Variants in AQR observed in about 807,000 individuals in gnomAD.
AQR encodes the protein aquarius intron-binding spliceosomal factor.
A neutral mutation model predicts 180.5 loss-of-function variants in AQR; 61 were observed. The ratio of observed to expected loss-of-function variants is 0.34; its 90% CI spans 0.28 to 0.42. AQR has a LOEUF of 0.42. Ranked by LOEUF, AQR falls within the 10% of genes least tolerant of loss-of-function variation. The pLI, the probability that AQR is intolerant of heterozygous loss-of-function variation, is 1.00. For synonymous variants in AQR, 551 were observed against 588.8 expected (o/e 0.94, Z 0.93); for missense variants, 1,281 against 1,798.3 (o/e 0.71, Z 5.20).
At position 34,927,027 on chromosome 15, in the gene AQR, T is replaced by C. The variant is rs1336764326; in HGVS notation, c.1118+8A>G. The C allele has an allele frequency of 2.0e-6, 3 of 1,488,080 alleles. No homozygotes were observed. The highest frequency in any genetic ancestry group is 2.7e-6 in the Non-Finnish European group (3 of 1,101,512). The allele number at this position is 1,488,080 out of a possible 1,614,324, so 92.2% of individuals were successfully genotyped here. A position where few individuals can be genotyped will look rare whatever the true frequency, so the allele number is the denominator to read the frequency against. On this transcript the variant is annotated splice_region_variant and intron_variant, in intron 13 of 34. Coordinates refer to ENST00000156471, the MANE Select transcript of AQR (RefSeq NM_014691.3). The stretch of plus-strand genomic sequence containing the variant: ...AAAAAGAATATATAGTTTTTCATGT[T>C]GTCTTACCTAAGAGGTCCAAAAAAC...
chr15:34,884,373 T>C (rs1893022690), intron 26 of AQR, 152 bp downstream of exon 26: 2 of 640,504 alleles, frequency 3.1e-6, no homozygotes, highest in African/African-American at 1.9e-5. Flanking sequence ...GCCACTGCAC[T>C]CCAGCCTGGG....
intron 29 of AQR, 157 bp from the exon 30 acceptor site, chr15:34,874,156 C>A: frequency 1.5e-6 from 1 of 654,488 alleles, no homozygotes. Flanking sequence ...TCAACCTTAG[C>A]TTCCCTACTT....
Position 34,852,455 on chromosome 15 carries a change from G to A in AQR, c.*4337C>T, listed in dbSNP as rs1272462967. The A allele has an allele frequency of 6.6e-6, 1 of 152,224 alleles. No individual in the cohort carries two copies. The highest frequency in any genetic ancestry group is 1.9e-4 in the East Asian group (1 of 5,200). 9.4% of individuals were successfully genotyped at this position (152,224 alleles called of 1,614,324 possible). On this transcript the variant is annotated 3_prime_UTR_variant, in exon 35 of 35. Transcript: ENST00000156471. ...CAAAGTGCTGGGATTACAGGCGTGA[G>A]CCACTGCACCCGGCTCGTGTTCTAA...
intron 3 of AQR, among the ~76,000 whole-genome samples, chr15:34,958,998 GA>G (rs1894374563): frequency 2.3e-5 from 3 of 131,718 alleles, no homozygotes; most frequent in East Asian, 4.2e-4. Context: ...TATAGATATA[GA>G]TATAGATATA....
rs552416535 is a variant in AQR, at chr15:34,853,409, G to A, written c.*3383C>T. 6.6e-6 allele frequency: 1 copy of A among 152,272 alleles called. No homozygotes were observed. The highest frequency in any genetic ancestry group is 2.1e-4 in the South Asian group (1 of 4,820). The allele number at this position is 152,272 out of a possible 1,614,324, so 9.4% of individuals were successfully genotyped here. A position where few individuals can be genotyped will look rare whatever the true frequency, so the allele number is the denominator to read the frequency against. On this transcript the variant is annotated 3_prime_UTR_variant, in exon 35 of 35. Transcript: ENST00000156471. ...GACAGTACAGAATTCAGAACTGATAGAAGTTATCAGCTCCATATTTCAGAA... is the reference window on the plus strand; with the variant it reads ...GACAGTACAGAATTCAGAACTGATAAAAGTTATCAGCTCCATATTTCAGAA...
intron 1 of AQR, among the ~76,000 whole-genome samples, chr15:34,967,746 A>C (rs1280722864): frequency 6.6e-6 from 1 of 152,244 alleles, no homozygotes; most frequent in Non-Finnish European, 1.5e-5. Context: ...CACAGGTCAA[A>C]TCACACAACA....
chr15:34,940,444 C>T (rs551576692), intron 8 of AQR, among the ~76,000 whole-genome samples: 9 of 152,236 alleles, frequency 5.9e-5, no homozygotes, highest in African/African-American at 1.4e-4. Flanking sequence ...CAAGAGAAAT[C>T]GCTTGAATCT....
Position 34,853,806 on chromosome 15 carries a change from T to C in AQR, c.*2986A>G, listed in dbSNP as rs1424630479. On this transcript the variant is annotated 3_prime_UTR_variant, in exon 35 of 35. Transcript: ENST00000156471. ...CCCAAATCCAAACAGATCTTTTTCC[T>C]TTATTTACAGATAAAGAAAATGGGC... is the stretch of plus-strand genomic sequence containing the variant. 6.6e-6 allele frequency: 1 copy of C among 152,230 alleles called. No homozygotes were observed. The highest frequency in any genetic ancestry group is 1.5e-5 in the Non-Finnish European group (1 of 68,042). 9.4% of individuals were successfully genotyped at this position (152,230 alleles called of 1,614,324 possible).
intron 31 of AQR, chr15:34,869,161 C>T (rs552339683): frequency 3.9e-5 from 6 of 152,206 alleles, no homozygotes; most frequent in Admixed American, 3.3e-4. Flanking sequence ...TACATCCTTG[C>T]CAACATTTGT....
intron 32 of AQR, among the ~76,000 whole-genome samples, chr15:34,864,153 T>G (rs1892710922): frequency 6.6e-6 from 1 of 150,534 alleles, no homozygotes; most frequent in Admixed American, 6.6e-5. Context: ...TATCTCTAAT[T>G]CGGCCTCATT....
chr15:34,968,188 A>C (rs971573612), intron 1 of AQR, among the ~76,000 whole-genome samples: 22 of 152,068 alleles, frequency 1.4e-4, no homozygotes, highest in South Asian at 2.1e-4. Context: ...TGGAAGGCTC[A>C]CTGGAGCCCA....
intron 31 of AQR, chr15:34,870,168 T>C (rs1008984432): frequency 9.3e-6 from 1 of 108,072 alleles, no homozygotes; most frequent in African/African-American, 2.7e-5. Context: ...ATTTTCCTGT[T>C]ACATTTGCAT....
chr15:34,927,061 G>A lies in AQR; in HGVS notation c.1092C>T (p.Ser364=). 1 of 1,590,034 alleles carries A rather than the reference G, an allele frequency of 6.3e-7. No homozygotes were observed. The part of the protein sequence containing the change: ...SNVAEVDTRE[S]LVKFFGPLSS... ...TAAGAGGTCCAAAAAACTTGACCAA[G>A]GACTCCCGAGTATCTACTTCTGCCA... The change falls in exon 13 of 35, where the codon TCC becomes TCT. Residue 364 remains serine (S), a synonymous_variant. Coordinates refer to ENST00000156471, the MANE Select transcript of AQR (RefSeq NM_014691.3).
chr15:34,877,377 G>T (rs143248889), intron 27 of AQR, among the ~76,000 whole-genome samples: 448 of 152,260 alleles, frequency 2.9e-3, no homozygotes, highest in South Asian at 0.011. Context: ...GATGGGGAGA[G>T]CATATTTACT....
chr15:34,902,512 T>C (rs1377035748), intron 19 of AQR, among the ~76,000 whole-genome samples: 1 of 152,150 alleles, frequency 6.6e-6, no homozygotes, highest in Non-Finnish European at 1.5e-5. Flanking sequence ...AGGACACTTT[T>C]ATCCACAGGC....
Position 34,938,723 on chromosome 15 carries a change from A to T in AQR, c.718+14T>A, listed in dbSNP as rs12594085. On this transcript the variant is annotated intron_variant, in intron 9 of 34. Coordinates refer to ENST00000156471, the MANE Select transcript of AQR (RefSeq NM_014691.3). ...TGATAATTTCACAAATGCACTGAGTAAAAAAGAAGATACCAGAAAGTGGGA... is the reference window on the plus strand; with the variant it reads ...TGATAATTTCACAAATGCACTGAGTTAAAAAGAAGATACCAGAAAGTGGGA... The T allele has an allele frequency of 1.4e-5, 21 of 1,490,864 alleles. No homozygotes were observed. The African/African-American group carries it at 3.4e-4, about 24-fold the overall frequency. The allele number at this position is 1,490,864 out of a possible 1,614,324, so 92.4% of individuals were successfully genotyped here. A position where few individuals can be genotyped will look rare whatever the true frequency, so the allele number is the denominator to read the frequency against.
At chr15:34,966,097 C>T (rs974628774) in intron 1 of AQR, among the ~76,000 whole-genome samples, 2 of 152,120 alleles carry the variant, frequency 1.3e-5, no homozygotes, top group African/African-American at 2.4e-5. Context: ...TAAAAACTTT[C>T]CATTCTCTAC....
intron 3 of AQR, 25 bp from the exon 4 acceptor site, chr15:34,952,945 T>C (rs749606096): frequency 3.8e-6 from 5 of 1,304,442 alleles, no homozygotes; most frequent in Non-Finnish European, 5.4e-6. Context: ...ATAAATAAAA[T>C]GTTTAAAATA....
chr15:34,919,473 T>TAA (rs1366338565), intron 14 of AQR, among the ~76,000 whole-genome samples: 32 of 152,170 alleles, frequency 2.1e-4, no homozygotes, highest in Non-Finnish European at 4.6e-4. Context: ...CATAATGTTG[T>TAA]AGCACTATAC....
Sources: gnomAD v4.1 joint callset for allele counts (sites outside exome capture counted in the v4.1 genomes callset) on GRCh38, gnomAD v4.1.1 for gene constraint, MANE v1.5 for transcripts, NCBI Gene and HGNC (gene_info 2026-07-23, HGNC 2026-07-21) for gene names.